CIC: variants seen among roughly 807,000 people sequenced by gnomAD.
The protein encoded by CIC is capicua transcriptional repressor, also known as protein capicua homolog.
CIC carries 18 observed loss-of-function variants against 115.7 expected under a neutral mutation model. That is an observed-to-expected ratio of 0.16 (90% confidence interval 0.11 to 0.23). CIC has a LOEUF of 0.23. Ranked by LOEUF, CIC falls within the 10% of genes least tolerant of loss-of-function variation. The pLI, the probability that CIC is intolerant of heterozygous loss-of-function variation, is 1.00. For missense variants in CIC, 2,000 were observed against 2,159.3 expected, an observed-to-expected ratio of 0.93 and a Z score of 1.46; for synonymous variants, 1,076 against 923.0, an observed-to-expected ratio of 1.17 and a Z score of -3.01.
At chr19:42,283,939 G>C (rs1432352497) in intron 2 of CIC, 1 of 150,888 alleles carries the variant, frequency 6.6e-6, no homozygotes, top group African/African-American at 2.4e-5. Flanking sequence ...CCTGACCCGC[G>C]CGCGGCGGCG....
At position 42,292,215 on chromosome 19, in the gene CIC, C is replaced by T. The variant is rs778655616; in HGVS notation, c.5735+8C>T. The T allele has an allele frequency of 6.2e-7, 1 of 1,613,978 alleles. No homozygotes were observed. Among genetic ancestry groups the T allele is most frequent in the Admixed American group, 1.7e-5 (1 of 60,022 alleles). On this transcript the variant is annotated splice_region_variant and intron_variant, in intron 13 of 20. Coordinates refer to ENST00000681038, the MANE Select transcript of CIC (RefSeq NM_001386298.1). Reference sequence around the variant, plus strand: ...GTTGCCCTCCTCCACCAGGTAATTGCAGCTGAGCCCATACTCAGAGGCCAG... The same window carrying T: ...GTTGCCCTCCTCCACCAGGTAATTGTAGCTGAGCCCATACTCAGAGGCCAG...
Position 42,291,300 on chromosome 19 carries a change from A to G in CIC, c.5259A>G (p.Pro1753=), listed in dbSNP as rs1001181119. The change falls in exon 11 of 21, where the codon CCA becomes CCG. Residue 1753 remains proline, a synonymous_variant. Transcript: ENST00000681038. ...QQLQVAPAPA[P]APGTKAAAPS... ...TTCAGGTGGCACCTGCCCCAGCACCAGCCCCTGGGACCAAGGCAGCGGCTC... is the reference window on the plus strand; with the variant it reads ...TTCAGGTGGCACCTGCCCCAGCACCGGCCCCTGGGACCAAGGCAGCGGCTC... 5.6e-6 allele frequency: 9 copies of G among 1,612,766 alleles called. No individual in the cohort carries two copies. Among genetic ancestry groups the G allele is most frequent in the Admixed American group, 3.3e-5 (2 of 59,996 alleles).
intron 2 of CIC, among the ~76,000 whole-genome samples, chr19:42,286,393 G>A (rs2037643884): frequency 6.6e-6 from 1 of 152,062 alleles, no homozygotes; most frequent in Admixed American, 6.5e-5. Flanking sequence ...TGACGGGGGT[G>A]GGGGTCCCAG....
Position 42,271,781 on chromosome 19 carries a change from A to G in CIC, c.-3A>G, listed in dbSNP as rs769065427. 7.5e-6 allele frequency: 3 copies of G among 398,582 alleles called. No homozygotes were observed. Among genetic ancestry groups the G allele is most frequent in the Non-Finnish European group, 1.3e-5 (3 of 226,136 alleles). 24.7% of individuals were successfully genotyped at this position (398,582 alleles called of 1,614,324 possible). On this transcript the variant is annotated 5_prime_UTR_variant, in exon 2 of 21. Transcript: ENST00000681038. ...CGCTCTCCCACCCTGCAGGTGGACA[A>G]AAATGAAGCCAATGAAGAAGGCATG... is the stretch of plus-strand genomic sequence containing the variant.
chr19:42,275,023 T>C (rs972841003), intron 2 of CIC, among the ~76,000 whole-genome samples: 1 of 152,230 alleles, frequency 6.6e-6, no homozygotes, highest in Non-Finnish European at 1.5e-5. Flanking sequence ...CCTTTTCAAA[T>C]ATTAGCTCAT....
intron 2 of CIC, chr19:42,284,266 GAACGAGCGAGCC>G (rs918579039): frequency 6.8e-6 from 1 of 146,810 alleles, no homozygotes; most frequent in Non-Finnish European, 1.5e-5. Flanking sequence ...GGGAGGGAGG[GAACGAGCGAGCC>G]AGCGAGCGGG....
chr19:42,290,894 C>G lies in CIC; in HGVS notation c.4853C>G (p.Thr1618Ser), dbSNP rs1814298039. The stretch of plus-strand genomic sequence containing the variant: ...CCAAATGACACAGCAGGTGCCAGGA[C>G]TGAAATGGGCACTGGGTCTCGGGTG... ...ASPNDTAGAR[T>S]EMGTGSRVPG... The change falls in exon 11 of 21, where the codon ACT becomes AGT. Residue 1618 changes from threonine (T) to serine (S), a missense_variant. Transcript: ENST00000681038. The G allele has an allele frequency of 6.2e-7, 1 of 1,613,302 alleles. No individual in the cohort carries two copies. The highest frequency in any genetic ancestry group is 1.3e-5 in the African/African-American group (1 of 74,932).
In CIC at chr19:42,287,194, G is replaced by C. The variant is rs1188851652; in HGVS notation, c.3133G>C (p.Gly1045Arg). ...GGAGGAGGAGGCCTCCGGCCCCCCA[G>C]GAGAGCCCCGGCTGGACAGTGAGAC... Reference protein sequence around the residue: ...TTEEEASGPPGEPRLDSETES... With the variant: ...TTEEEASGPPREPRLDSETES... The change falls in exon 4 of 21, where the codon GGA becomes CGA. Residue 1045 changes from glycine (G) to arginine (R), a missense_variant. By Grantham distance (125) the Gly-to-Arg change is moderately radical. Around this residue, in one of 8 missense-constraint regions of CIC, gnomAD observed 222 missense variants for 247.7 expected, o/e 0.90. Coordinates refer to ENST00000681038, the MANE Select transcript of CIC (RefSeq NM_001386298.1). This position sits in a 1 kb window ranked among gnomAD's most constrained non-coding sequence, Gnocchi z 8.7. 6.2e-7 allele frequency: 1 copy of C among 1,613,478 alleles called. No individual in the cohort carries two copies. The highest frequency in any genetic ancestry group is 1.3e-5 in the African/African-American group (1 of 74,908).
In CIC at chr19:42,292,106, G is replaced by A. The variant is rs762078386; in HGVS notation, c.5634G>A (p.Val1878=). ...PPSKIIQLTP[V]PVSTPSGLVP... ...CACAGATCATCCAGCTGACCCCGGTGCCTGTGAGCACACCCAGCGGCCTGG... is the reference window on the plus strand; with the variant it reads ...CACAGATCATCCAGCTGACCCCGGTACCTGTGAGCACACCCAGCGGCCTGG... Residue 1878 remains valine (V), a synonymous_variant, in exon 13 of 21, where the codon GTG becomes GTA. Coordinates refer to ENST00000681038, the MANE Select transcript of CIC (RefSeq NM_001386298.1). 6.2e-7 allele frequency: 1 copy of A among 1,613,922 alleles called. No homozygotes were observed. The highest frequency in any genetic ancestry group is 8.5e-7 in the Non-Finnish European group (1 of 1,180,018).
At position 42,272,353 on chromosome 19, in the gene CIC, T is replaced by C. The variant is rs2036821234; in HGVS notation, c.570T>C (p.Pro190=). The change falls in exon 2 of 21, where the codon CCT becomes CCC. Residue 190 remains proline (P), a synonymous_variant. Transcript: ENST00000681038. ...CTTGTGGTCCAGGCCCTTGGCCCCC[T>C]GGCAGCACCAGTGGCAGCTATGACC... ...AEACGPGPWP[P]GSTSGSYDLR... 2.5e-6 allele frequency: 1 copy of C among 398,382 alleles called. No homozygotes were observed. Among genetic ancestry groups the C allele is most frequent in the Non-Finnish European group, 4.4e-6 (1 of 225,976 alleles). 24.7% of individuals were successfully genotyped at this position (398,382 alleles called of 1,614,324 possible).
chr19:42,294,831 C>T lies in CIC; in HGVS notation c.7194C>T (p.Ala2398=). The stretch of plus-strand genomic sequence containing the variant: ...CCGTTTTTCTATCTCCAGCCCAGGC[C>T]ACAGCCGCCTTCCAGGCCCGCTATG... ...QDHGFFPSAQ[A]TAAFQARYAD... The change falls in exon 21 of 21, where the codon GCC becomes GCT. Residue 2398 remains alanine (A), a synonymous_variant. Transcript: ENST00000681038. The T allele has an allele frequency of 1.2e-6, 2 of 1,602,618 alleles. No homozygotes were observed. The highest frequency in any genetic ancestry group is 1.7e-6 in the Non-Finnish European group (2 of 1,179,956).
chr19:42,282,795 T>G (rs2037320359), intron 2 of CIC, among the ~76,000 whole-genome samples: 1 of 146,490 alleles, frequency 6.8e-6, no homozygotes, highest in Non-Finnish European at 1.5e-5. Flanking sequence ...GAGGATTCAA[T>G]GAACCAGATA....
rs76242237 is a variant in CIC, at chr19:42,270,862, C to T, written c.-10-912C>T. On this transcript the variant is annotated intron_variant, in intron 1 of 20. Coordinates refer to ENST00000681038, the MANE Select transcript of CIC (RefSeq NM_001386298.1). The surrounding 1 kb of genome is among the most constrained non-coding windows in gnomAD (Gnocchi z 4.1). Reference sequence around the variant, plus strand: ...CTGTGCGTGTGTGTGTGTTTGTGCGCGTGCGTGTGCTCATGCACGGCCCCG... The same window carrying T: ...CTGTGCGTGTGTGTGTGTTTGTGCGTGTGCGTGTGCTCATGCACGGCCCCG... Among the ~76,000 whole-genome samples the T allele has an allele frequency of 2.6e-5, 4 of 152,216 alleles. No homozygotes were observed. The highest frequency in any genetic ancestry group is 2.1e-4 in the South Asian group (1 of 4,826).
At position 42,286,887 on chromosome 19, in the gene CIC, G is replaced by C; in HGVS notation, c.2911G>C (p.Ala971Pro). ...SVQPSEAQQP[A>P]SHPVASNQSK... Reference sequence around the variant, plus strand: ...GCAGCCGAGCGAGGCCCAGCAACCTGCCAGCCACCCAGTGGCCTCCAACCA... The same window carrying C: ...GCAGCCGAGCGAGGCCCAGCAACCTCCCAGCCACCCAGTGGCCTCCAACCA... Residue 971 changes from alanine to proline, a missense_variant, in exon 3 of 21, where the codon GCC (alanine) becomes CCC (proline). Around this residue, in one of 8 missense-constraint regions of CIC, gnomAD observed 222 missense variants for 247.7 expected, o/e 0.90. Transcript: ENST00000681038. The C allele has an allele frequency of 6.8e-6, 11 of 1,612,322 alleles. No homozygotes were observed. The highest frequency in any genetic ancestry group is 9.3e-6 in the Non-Finnish European group (11 of 1,179,660).
intron 12 of CIC, among the ~76,000 whole-genome samples, 161 bp from the exon 13 acceptor site, chr19:42,291,922 CCTT>C (rs1174078388): frequency 6.6e-6 from 1 of 152,224 alleles, no homozygotes; most frequent in East Asian, 1.9e-4. Context: ...GTACCCTCCT[CCTT>C]CTCTGTGTCC....
intron 2 of CIC, among the ~76,000 whole-genome samples, chr19:42,277,106 GC>G (rs2037011239): frequency 2.0e-5 from 3 of 152,330 alleles, no homozygotes; most frequent in Admixed American, 1.3e-4. Flanking sequence ...GTCCTGCTGA[GC>G]CTTTACTCCC....
Position 42,270,321 on chromosome 19 carries a change from G to C in CIC, c.-11+940G>C, listed in dbSNP as rs1376674121. ...ACTCCAGGGTCCACAGGAGGAGCAG[G>C]CCCCTAGTGAGAGAGCATGAGGTCA... On this transcript the variant is annotated intron_variant, in intron 1 of 20. Transcript: ENST00000681038. The surrounding 1 kb of genome is among the most constrained non-coding windows in gnomAD (Gnocchi z 4.1). 6.6e-6 allele frequency among the ~76,000 whole-genome samples: 1 copy of C among 152,188 alleles called. No individual in the cohort carries two copies. The highest frequency in any genetic ancestry group is 6.5e-5 in the Admixed American group (1 of 15,284).
At chr19:42,284,898 G>A (rs2147142510) in intron 2 of CIC, 1 of 883,982 alleles carries the variant, frequency 1.1e-6, no homozygotes, top group East Asian at 2.7e-5. Context: ...GACGGGGAAA[G>A]TTACGGAGCT....
intron 2 of CIC, 82 bp from the exon 3 acceptor site, chr19:42,286,689 C>G (rs1351444431): frequency 6.3e-7 from 1 of 1,586,058 alleles, no homozygotes; most frequent in African/African-American, 1.4e-5. Flanking sequence ...GTGGGGCTAC[C>G]TCATCTAGGG....
Sources: allele counts gnomAD v4.1 joint callset (sites outside exome capture counted in the v4.1 genomes callset), GRCh38; gene constraint gnomAD v4.1.1; regional missense constraint gnomAD v4.1.1; non-coding constraint Gnocchi (gnomAD v3.1); transcripts MANE v1.5; gene names NCBI Gene and HGNC (gene_info 2026-07-23, HGNC 2026-07-21).